The following GRM1 variants were observed in gnomAD, a reference collection of about 807,000 sequenced individuals.
GRM1 encodes the protein metabotropic glutamate receptor 1.
GRM1 carries 33 observed loss-of-function variants against 90.9 expected under a neutral mutation model. The observed-to-expected ratio is 0.36, with a 90% confidence interval of 0.28 to 0.49. GRM1 has a LOEUF of 0.49. Ranked by LOEUF, GRM1 falls within the 20% of genes least tolerant of loss-of-function variation. The probability of loss-of-function intolerance (pLI) is 0.99; values close to 1 mark genes in which losing one functional copy is unlikely to be tolerated. For synonymous variants in GRM1, 700 were observed against 613.2 expected (o/e 1.14, Z -2.09); for missense variants, 1,190 against 1,534.3 (o/e 0.78, Z 3.75).
intron 1 of GRM1, among the ~76,000 whole-genome samples, chr6:146,100,233 A>G (rs1777005226): frequency 6.6e-6 from 1 of 152,070 alleles, no homozygotes; most frequent in Non-Finnish European, 1.5e-5. Context: ...GTATTGTTTT[A>G]TGTGTATTTC....
intron 3 of GRM1, among the ~76,000 whole-genome samples, chr6:146,332,845 A>G (rs1184472706): frequency 2.6e-5 from 4 of 152,144 alleles, no homozygotes; most frequent in Non-Finnish European, 4.4e-5. Flanking sequence ...CGACCCTGCC[A>G]TCTAATATAC....
chr6:146,188,247 A>T (rs1461703649), intron 2 of GRM1, among the ~76,000 whole-genome samples: 1 of 152,066 alleles, frequency 6.6e-6, no homozygotes, highest in African/African-American at 2.4e-5. Context: ...CTACCGTTAA[A>T]TCATTCTGTC....
intron 5 of GRM1, among the ~76,000 whole-genome samples, chr6:146,385,461 A>G (rs1426910284): frequency 6.6e-6 from 1 of 151,968 alleles, no homozygotes; most frequent in Non-Finnish European, 1.5e-5. Flanking sequence ...CCAAGTGAAA[A>G]TGTTATTTTT....
chr6:146,156,944 T>A (rs1013030900), intron 1 of GRM1, among the ~76,000 whole-genome samples: 1 of 152,200 alleles, frequency 6.6e-6, no homozygotes. Flanking sequence ...GAGAAGGAAA[T>A]AATTTTATTT....
chr6:146,149,980 A>T (rs1365716762), intron 1 of GRM1, among the ~76,000 whole-genome samples: 2 of 152,034 alleles, frequency 1.3e-5, no homozygotes, highest in Non-Finnish European at 2.9e-5. Flanking sequence ...TGATTCACTC[A>T]CCTCTGACTG....
intron 3 of GRM1, among the ~76,000 whole-genome samples, chr6:146,346,041 C>T (rs1429581378): frequency 6.6e-6 from 1 of 152,222 alleles, no homozygotes; most frequent in Non-Finnish European, 1.5e-5. Flanking sequence ...CAAAGAGCCC[C>T]ACAATTCAAC....
intron 7 of GRM1, chr6:146,426,470 C>A: frequency 8.3e-7 from 1 of 1,201,582 alleles, no homozygotes. Context: ...GGCTCAGGGC[C>A]AGGCACTGCC....
At chr6:146,075,961 G>C (rs1431103753) in intron 1 of GRM1, among the ~76,000 whole-genome samples, 1 of 152,140 alleles carries the variant, frequency 6.6e-6, no homozygotes, top group Non-Finnish European at 1.5e-5. Context: ...GTCTAAATAA[G>C]GTCACATTCA....
At position 146,352,462 on chromosome 6, in the gene GRM1, G is replaced by A; in HGVS notation, c.1399G>A (p.Val467Met). Residue 467 changes from valine (V) to methionine (M), a missense_variant, in exon 4 of 8, where the codon GTG becomes ATG. Physicochemically the swap from Val to Met is conservative, Grantham distance 21. Transcript: ENST00000282753. ...SSFIGVSGEE[V>M]WFDEKGDAPG... ...ATTCATTGGAGTATCTGGAGAGGAG[G>A]TGTGGTTTGATGAGAAAGGAGACGC... The A allele has an allele frequency of 6.2e-7, 1 of 1,613,814 alleles. No homozygotes were observed. Among genetic ancestry groups the A allele is most frequent in the South Asian group, 1.1e-5 (1 of 91,052 alleles).
intron 7 of GRM1, among the ~76,000 whole-genome samples, 200 bp from the exon 8 acceptor site, chr6:146,433,672 C>G (rs1778494483): frequency 6.6e-6 from 1 of 152,038 alleles, no homozygotes; most frequent in African/African-American, 2.4e-5. Flanking sequence ...CTTTTCTCCT[C>G]AACAACTTTT....
intron 1 of GRM1, among the ~76,000 whole-genome samples, chr6:146,053,040 C>T (rs1046014814): frequency 6.6e-6 from 1 of 152,032 alleles, no homozygotes; most frequent in Non-Finnish European, 1.5e-5. Flanking sequence ...CTACGGTACC[C>T]TTTCTCCCAG....
intron 1 of GRM1, among the ~76,000 whole-genome samples, chr6:146,097,215 C>T (rs1176676541): frequency 6.6e-6 from 1 of 152,084 alleles, no homozygotes; most frequent in Non-Finnish European, 1.5e-5. Flanking sequence ...TATGATTTTA[C>T]TCTTTTCCTT....
intron 2 of GRM1, among the ~76,000 whole-genome samples, chr6:146,259,968 A>G (rs996102316): frequency 1.4e-5 from 2 of 148,142 alleles, no homozygotes; most frequent in Admixed American, 1.4e-4. Flanking sequence ...TTATATATAT[A>G]TATATTTATA....
intron 1 of GRM1, among the ~76,000 whole-genome samples, chr6:146,143,083 G>A (rs73785474): frequency 0.12 from 18,444 of 152,052 alleles, 2,077 homozygotes; most frequent in African/African-American, 0.29. Flanking sequence ...GATTATTCAG[G>A]GCCTAAGAGC....
chr6:146,390,988 A>G (rs1776695773), intron 6 of GRM1, among the ~76,000 whole-genome samples: 1 of 152,106 alleles, frequency 6.6e-6, no homozygotes, highest in Non-Finnish European at 1.5e-5. Context: ...TTGTAATAGA[A>G]TTACTATTTA....
At chr6:146,107,627 C>T (rs1583011853) in intron 1 of GRM1, among the ~76,000 whole-genome samples, 1 of 152,150 alleles carries the variant, frequency 6.6e-6, no homozygotes, top group Admixed American at 6.5e-5. Context: ...ATTTCTATTC[C>T]TTTTAATCAT....
At chr6:146,080,576 G>A (rs534627462) in intron 1 of GRM1, among the ~76,000 whole-genome samples, 2 of 152,216 alleles carry the variant, frequency 1.3e-5, no homozygotes, top group South Asian at 4.1e-4. Flanking sequence ...TAAGCAAGGG[G>A]CCCCTACCCT....
chr6:146,274,984 C>T (rs1338629925), intron 2 of GRM1, among the ~76,000 whole-genome samples: 2 of 151,966 alleles, frequency 1.3e-5, no homozygotes, highest in African/African-American at 2.4e-5. Flanking sequence ...GAGCCAAGAT[C>T]GTGCCACTGC....
chr6:146,187,546 T>C (rs1051598170), intron 2 of GRM1, among the ~76,000 whole-genome samples: 1 of 152,006 alleles, frequency 6.6e-6, no homozygotes, highest in South Asian at 2.1e-4. Context: ...AATTTGTCCA[T>C]GGCAAAAGAT....
Sources: gnomAD v4.1 joint callset for allele counts (sites outside exome capture counted in the v4.1 genomes callset) on GRCh38, gnomAD v4.1.1 for gene constraint, MANE v1.5 for transcripts, NCBI Gene and HGNC (gene_info 2026-07-23, HGNC 2026-07-21) for gene names.